Variants in IQCK observed in about 807,000 individuals in gnomAD.
IQCK encodes the protein IQ domain-containing protein K.
IQCK carries 29 observed loss-of-function variants against 28.1 expected under a neutral mutation model. That is an observed-to-expected ratio of 1.03 (90% CI 0.77 to 1.41). The LOEUF is 1.41. Among genes scored for constraint, IQCK ranks in the 40% most tolerant of loss-of-function variants. The pLI is 0.00. For missense variants in IQCK, 359 were observed against 314.7 expected, an observed-to-expected ratio of 1.14 and a Z score of -1.07; for synonymous variants, 113 against 115.1, an observed-to-expected ratio of 0.98 and a Z score of 0.12.
chr16:19,782,924 A>G (rs759973658), intron 6 of IQCK, among the ~76,000 whole-genome samples: 18 of 152,228 alleles, frequency 1.2e-4, no homozygotes, highest in Non-Finnish European at 2.6e-4. Flanking sequence ...ATACATTTAT[A>G]TATACACAAC....
At chr16:19,853,082 C>T (rs893696171) in intron 9 of IQCK, among the ~76,000 whole-genome samples, 1 of 152,170 alleles carries the variant, frequency 6.6e-6, no homozygotes, top group Admixed American at 6.5e-5. Context: ...CACGAGCATC[C>T]TCCCAGTACA....
At chr16:19,732,867 G>T (rs554045542) in intron 2 of IQCK, among the ~76,000 whole-genome samples, 2 of 152,154 alleles carry the variant, frequency 1.3e-5, no homozygotes, top group Non-Finnish European at 2.9e-5. Flanking sequence ...CTGGAGAGGA[G>T]GGGGAGCTGG....
At chr16:19,745,570 T>A (rs1486936391) in intron 4 of IQCK, among the ~76,000 whole-genome samples, 1 of 152,236 alleles carries the variant, frequency 6.6e-6, no homozygotes, top group Non-Finnish European at 1.5e-5. Context: ...GTCATAGCAT[T>A]GTATAGTGTG....
At chr16:19,783,388 C>T (rs1451394241) in intron 6 of IQCK, among the ~76,000 whole-genome samples, 1 of 152,064 alleles carries the variant, frequency 6.6e-6, no homozygotes, top group East Asian at 1.9e-4. Flanking sequence ...TAACAATTCT[C>T]CTTGGAAACA....
intron 9 of IQCK, among the ~76,000 whole-genome samples, chr16:19,839,164 T>C (rs2056335120): frequency 6.6e-6 from 1 of 151,760 alleles, no homozygotes; most frequent in Non-Finnish European, 1.5e-5. Context: ...TTTATTTATT[T>C]ATTTATTTAT....
At chr16:19,759,735 T>C (rs1416311306) in intron 4 of IQCK, among the ~76,000 whole-genome samples, 2 of 152,092 alleles carry the variant, frequency 1.3e-5, no homozygotes, top group African/African-American at 4.8e-5. Flanking sequence ...CCTAGCACTT[T>C]GGAAGGCCGA....
chr16:19,720,303 C>T (rs1244060484), intron 1 of IQCK, among the ~76,000 whole-genome samples: 7 of 152,232 alleles, frequency 4.6e-5, no homozygotes, highest in Admixed American at 4.6e-4. Context: ...ATCCAAGGAG[C>T]TAATCACTCT....
chr16:19,736,144 A>T (rs1978007553), intron 4 of IQCK: 1 of 455,902 alleles, frequency 2.2e-6, no homozygotes, highest in Admixed American at 2.4e-5. Flanking sequence ...TCTCTACTCC[A>T]TGCCAACTGT....
chr16:19,773,108 G>C (rs2055340512), intron 6 of IQCK, among the ~76,000 whole-genome samples: 1 of 152,180 alleles, frequency 6.6e-6, no homozygotes, highest in Non-Finnish European at 1.5e-5. Flanking sequence ...GTATCTACTG[G>C]AGAGCAGTGA....
chr16:19,835,961 G>C (rs1292597479), intron 9 of IQCK, among the ~76,000 whole-genome samples: 1 of 152,108 alleles, frequency 6.6e-6, no homozygotes, highest in Admixed American at 6.6e-5. Context: ...ATTAAATTTA[G>C]ACAGTGATCA....
intron 7 of IQCK, among the ~76,000 whole-genome samples, chr16:19,824,640 T>G (rs1292897431): frequency 6.6e-6 from 1 of 152,232 alleles, no homozygotes. Context: ...GACTTTAACT[T>G]ATCTTTCAAG....
intron 7 of IQCK, among the ~76,000 whole-genome samples, chr16:19,801,086 T>C (rs2055753473): frequency 7.0e-6 from 1 of 143,680 alleles, no homozygotes; most frequent in Non-Finnish European, 1.5e-5. Flanking sequence ...GTTAGTGTAC[T>C]CTGTTCATTC....
At chr16:19,768,066 T>C (rs940986334) in intron 6 of IQCK, among the ~76,000 whole-genome samples, 3 of 150,708 alleles carry the variant, frequency 2.0e-5, no homozygotes, top group African/African-American at 7.3e-5. Context: ...ATAGCCAGGA[T>C]TAAGAGCTTA....
At chr16:19,814,015 C>T (rs938307259) in intron 7 of IQCK, among the ~76,000 whole-genome samples, 1 of 151,848 alleles carries the variant, frequency 6.6e-6, no homozygotes, top group Admixed American at 6.6e-5. Flanking sequence ...GTCAGGAGTT[C>T]GAGACTAGCC....
intron 7 of IQCK, among the ~76,000 whole-genome samples, chr16:19,813,678 G>A (rs2055937134): frequency 6.6e-6 from 1 of 152,172 alleles, no homozygotes; most frequent in African/African-American, 2.4e-5. Flanking sequence ...CACAAGGAAG[G>A]AGTGGGATGC....
At chr16:19,808,319 C>G (rs1567565023) in intron 7 of IQCK, among the ~76,000 whole-genome samples, 1 of 152,174 alleles carries the variant, frequency 6.6e-6, no homozygotes, top group East Asian at 1.9e-4. Context: ...ACTTGCCAGG[C>G]TATCAGCAAA....
At chr16:19,758,780 G>A (rs2055089987) in intron 4 of IQCK, among the ~76,000 whole-genome samples, 1 of 152,110 alleles carries the variant, frequency 6.6e-6, no homozygotes, top group South Asian at 2.1e-4. Flanking sequence ...AGGGGTTTCA[G>A]CAATGAGGTA....
chr16:19,830,732 C>T (rs1019099443), downstream of IQCK, among the ~76,000 whole-genome samples: 2 of 152,142 alleles, frequency 1.3e-5, no homozygotes, highest in South Asian at 2.1e-4. Context: ...CACTTCTATC[C>T]ATGTGACCCT....
intron 1 of IQCK, among the ~76,000 whole-genome samples, chr16:19,725,992 C>T (rs1198834294): frequency 5.3e-5 from 8 of 151,290 alleles, no homozygotes; most frequent in African/African-American, 1.7e-4. Context: ...CTCTGCTCAC[C>T]GCAAGCTCCA....
Sources: gnomAD v4.1 joint callset for allele counts (sites outside exome capture counted in the v4.1 genomes callset) on GRCh38, gnomAD v4.1.1 for gene constraint, MANE v1.5 for transcripts, NCBI Gene and HGNC (gene_info 2026-07-23, HGNC 2026-07-21) for gene names.